The following RPTOR variants were observed in gnomAD, a reference collection of about 807,000 sequenced individuals.
The protein encoded by RPTOR is regulatory-associated protein of mTOR.
A neutral mutation model predicts 169.9 loss-of-function variants in RPTOR; 21 were observed. The observed-to-expected ratio is 0.12, with a 90% confidence interval of 0.09 to 0.18. RPTOR has a LOEUF of 0.18. Ranked by LOEUF, RPTOR falls within the 10% of genes least tolerant of loss-of-function variation. The pLI is 1.00. For missense variants in RPTOR, 1,133 were observed against 1,855.9 expected, an observed-to-expected ratio of 0.61 and a Z score of 7.16; for synonymous variants, 732 against 753.2, an observed-to-expected ratio of 0.97 and a Z score of 0.46.
At chr17:80,806,608 GA>G in intron 7 of RPTOR, among the ~76,000 whole-genome samples, 1 of 152,240 alleles carries the variant, frequency 6.6e-6, no homozygotes, top group East Asian at 1.9e-4. Context: ...TGGGGACCTA[GA>G]CACACTGACC....
rs80168522 is a variant in RPTOR, at chr17:80,850,352, C to T, written c.1314+3778C>T. ...TGAGTTATTCCACTGAGCATAATGG[C>T]CTCCTGTTTCACCCATGTTGATGCA... is the stretch of plus-strand genomic sequence containing the variant. On this transcript the variant is annotated intron_variant, in intron 11 of 33. Coordinates refer to ENST00000306801, the MANE Select transcript of RPTOR (RefSeq NM_020761.3). Among the ~76,000 whole-genome samples, 39 of 152,336 alleles carry T rather than the reference C, an allele frequency of 2.6e-4. No individual in the cohort carries two copies. In the East Asian group the frequency reaches 7.1e-3, roughly 28 times the overall value.
rs138314510 is a variant in RPTOR at position 80,861,952 on chromosome 17, C to T, written c.1509+4052C>T. ...GCAGTGCAGGGCGTCTTGTTTAAAA[C>T]TGGCTCTTGGTCCCGTGGATCTCCC... On this transcript the variant is annotated intron_variant, in intron 13 of 33. Coordinates refer to ENST00000306801, the MANE Select transcript of RPTOR (RefSeq NM_020761.3). The surrounding 1 kb of genome is among the most constrained non-coding windows in gnomAD (Gnocchi z 4.5). Among the ~76,000 whole-genome samples the T allele has an allele frequency of 1.0e-3, 159 of 152,338 alleles. No individual in the cohort carries two copies. The highest frequency in any genetic ancestry group is 2.2e-3 in the Admixed American group (33 of 15,308).
intron 5 of RPTOR, among the ~76,000 whole-genome samples, chr17:80,745,373 C>T (rs1165211949): frequency 6.6e-6 from 1 of 152,162 alleles, no homozygotes. Context: ...GGCTTCTGCA[C>T]GTCCTTGGAA....
intron 17 of RPTOR, among the ~76,000 whole-genome samples, chr17:80,890,740 G>A (rs1288488318): frequency 2.6e-5 from 4 of 152,162 alleles, no homozygotes; most frequent in African/African-American, 9.7e-5. Context: ...GTGAGGGGCC[G>A]GCATCAGGGA....
chr17:80,722,156 C>T lies in RPTOR; in HGVS notation c.508-8404C>T, dbSNP rs952873886. On this transcript the variant is annotated intron_variant, in intron 4 of 33. Coordinates refer to ENST00000306801, the MANE Select transcript of RPTOR (RefSeq NM_020761.3). ...CTTCCCTCCAAGCCTTTGTGTGGCA[C>T]GTTCTTGGCATGTTGCAAAGTGCCG... Among the ~76,000 whole-genome samples, 3 of 150,850 alleles carry T rather than the reference C, an allele frequency of 2.0e-5. 1 individual carries two copies. Among genetic ancestry groups the T allele is most frequent in the African/African-American group, 7.4e-5 (3 of 40,302 alleles).
In RPTOR at chr17:80,830,226, G is replaced by T. The variant is rs2067488011; in HGVS notation, c.1136+7003G>T. Among the ~76,000 whole-genome samples the T allele has an allele frequency of 3.9e-5, 6 of 152,280 alleles. No individual in the cohort carries two copies. The South Asian group carries it at 1.2e-3, about 32-fold the overall frequency. On this transcript the variant is annotated intron_variant, in intron 9 of 33. Coordinates refer to ENST00000306801, the MANE Select transcript of RPTOR (RefSeq NM_020761.3). The stretch of plus-strand genomic sequence containing the variant: ...TCCTGGAGTCAGGGCAGCTCCACTG[G>T]CCTCAGTTTCCAGAGAACAAACCTG...
At chr17:80,910,984 C>G (rs1399142533) in intron 21 of RPTOR, among the ~76,000 whole-genome samples, 4 of 152,138 alleles carry the variant, frequency 2.6e-5, no homozygotes, top group Non-Finnish European at 4.4e-5. Context: ...GCGTGAGCCA[C>G]CACACCCGGC....
chr17:80,813,384 G>A (rs1454041730), intron 7 of RPTOR, among the ~76,000 whole-genome samples: 11 of 152,160 alleles, frequency 7.2e-5, no homozygotes, highest in Non-Finnish European at 2.9e-5. Flanking sequence ...TCTTCACTTC[G>A]AATTGTTTTC....
intron 11 of RPTOR, among the ~76,000 whole-genome samples, chr17:80,853,637 A>G (rs574497654): frequency 6.6e-6 from 1 of 152,362 alleles, no homozygotes; most frequent in African/African-American, 2.4e-5. Context: ...CATGCCTTCC[A>G]GCATAGCCAC....
chr17:80,808,755 T>TA (rs1314609395), intron 7 of RPTOR, among the ~76,000 whole-genome samples: 7 of 152,226 alleles, frequency 4.6e-5, no homozygotes, highest in African/African-American at 1.7e-4. Flanking sequence ...TTCCAGAACT[T>TA]TCTGTAAACA....
chr17:80,548,231 G>T (rs2084301566), intron 1 of RPTOR, among the ~76,000 whole-genome samples: 1 of 151,506 alleles, frequency 6.6e-6, no homozygotes. Context: ...CTATAAGTGT[G>T]CGCCAGTGTG....
chr17:80,670,392 G>A lies in RPTOR; in HGVS notation c.348+26582G>A, dbSNP rs2065812644. On this transcript the variant is annotated intron_variant, in intron 3 of 33. Transcript: ENST00000306801. Reference sequence around the variant, plus strand: ...ACTTAAGCCTCACTGTCATGCCACTGTTGCCATTAGATTTTCTGCTTCTGA... The same window carrying A: ...ACTTAAGCCTCACTGTCATGCCACTATTGCCATTAGATTTTCTGCTTCTGA... Among the ~76,000 whole-genome samples, 4 of 152,160 alleles carry A rather than the reference G, an allele frequency of 2.6e-5. No individual in the cohort carries two copies. The South Asian group carries it at 8.3e-4, about 32-fold the overall frequency.
At chr17:80,876,656 A>G (rs1201109704) in intron 13 of RPTOR, among the ~76,000 whole-genome samples, 9 of 115,908 alleles carry the variant, frequency 7.8e-5, no homozygotes, top group East Asian at 5.5e-4. Flanking sequence ...AGCCCGTGCC[A>G]CGCAGGGTGT....
rs2066569351 is a variant in RPTOR at position 80,746,016 on chromosome 17, T to C, written c.655-7994T>C. 6.6e-6 allele frequency among the ~76,000 whole-genome samples: 1 copy of C among 152,030 alleles called. No individual in the cohort carries two copies. The highest frequency in any genetic ancestry group is 1.5e-5 in the Non-Finnish European group (1 of 67,988). On this transcript the variant is annotated intron_variant, in intron 5 of 33. Transcript: ENST00000306801. This position sits in a 1 kb window ranked among gnomAD's most constrained non-coding sequence, Gnocchi z 4.5. ...AGTCTCTACTAAAAATATAAAATTA[T>C]CCAGACGTGGTGGCGCATACCTGTA... is the stretch of plus-strand genomic sequence containing the variant.
At chr17:80,682,791 C>T in intron 3 of RPTOR, among the ~76,000 whole-genome samples, 1 of 143,684 alleles carries the variant, frequency 7.0e-6, no homozygotes, top group South Asian at 2.1e-4. Flanking sequence ...TAATTTGTTT[C>T]CTTTTTTTTT....
chr17:80,761,459 T>C (rs1028590424), intron 6 of RPTOR, among the ~76,000 whole-genome samples: 1 of 152,230 alleles, frequency 6.6e-6, no homozygotes, highest in Non-Finnish European at 1.5e-5. Flanking sequence ...GTTTCGCTCC[T>C]GCATTGCCCG....
chr17:80,681,688 G>GTTGAATT (rs2065899697), intron 3 of RPTOR, among the ~76,000 whole-genome samples: 1 of 75,232 alleles, frequency 1.3e-5, no homozygotes, highest in African/African-American at 9.8e-5. Flanking sequence ...GCTTCATGAG[G>GTTGAATT]TGTACGTCTC....
chr17:80,557,172 C>A (rs1662979145), intron 1 of RPTOR, among the ~76,000 whole-genome samples: 1 of 152,156 alleles, frequency 6.6e-6, no homozygotes, highest in Non-Finnish European at 1.5e-5. Context: ...CTGTGGAGTT[C>A]TAGAGCTAGA....
rs1193233600 is a variant in RPTOR at position 80,708,990 on chromosome 17, A to G, written c.507+991A>G. ...CACACTGAACTCTCGGTTCCCGCCT[A>G]CCGTCCCGGGTTCGCAGCTAGCATT... is the stretch of plus-strand genomic sequence containing the variant. On this transcript the variant is annotated intron_variant, in intron 4 of 33. Coordinates refer to ENST00000306801, the MANE Select transcript of RPTOR (RefSeq NM_020761.3). This position sits in a 1 kb window ranked among gnomAD's most constrained non-coding sequence, Gnocchi z 4.2. 1 of 985,442 alleles carries G rather than the reference A, an allele frequency of 1.0e-6. No individual in the cohort carries two copies. Among genetic ancestry groups the G allele is most frequent in the African/African-American group, 1.7e-5 (1 of 57,144 alleles). 61.0% of individuals were successfully genotyped at this position (985,442 alleles called of 1,614,324 possible).
Sources: gnomAD v4.1 joint callset for allele counts (sites outside exome capture counted in the v4.1 genomes callset) on GRCh38, gnomAD v4.1.1 for gene constraint, Gnocchi (gnomAD v3.1) non-coding constraint, MANE v1.5 for transcripts, NCBI Gene and HGNC (gene_info 2026-07-23, HGNC 2026-07-21) for gene names.